PHF2: variants seen among roughly 807,000 people sequenced by gnomAD.
PHF2 encodes PHD finger protein 2.
A neutral mutation model predicts 120.5 loss-of-function variants in PHF2; 27 were observed. The observed-to-expected ratio is 0.22, with a 90% CI of 0.17 to 0.31. PHF2 has a LOEUF of 0.31. Among genes scored for constraint, PHF2 ranks in the 10% least tolerant of loss-of-function variants. The probability of loss-of-function intolerance (pLI) is 1.00; values close to 1 mark genes in which losing one functional copy is unlikely to be tolerated. For missense variants in PHF2, 1,024 were observed against 1,434.8 expected, an observed-to-expected ratio of 0.71 and a Z score of 4.63; for synonymous variants, 568 against 592.5, an observed-to-expected ratio of 0.96 and a Z score of 0.60.
chr9:93,596,739 T>C (rs1825339197), intron 1 of PHF2, among the ~76,000 whole-genome samples: 1 of 101,782 alleles, frequency 9.8e-6, no homozygotes, highest in African/African-American at 3.9e-5. Flanking sequence ...TGCCTCAGTG[T>C]TTCTGCCGTT....
chr9:93,675,508 TG>T (rs1826892869), intron 19 of PHF2, among the ~76,000 whole-genome samples, 171 bp from the exon 20 acceptor site: 1 of 152,176 alleles, frequency 6.6e-6, no homozygotes, highest in African/African-American at 2.4e-5. Flanking sequence ...CCCCCTTGGG[TG>T]GGGCAGCTGA....
chr9:93,582,445 C>G (rs147942101), intron 1 of PHF2, among the ~76,000 whole-genome samples: 1 of 152,138 alleles, frequency 6.6e-6, no homozygotes, highest in African/African-American at 2.4e-5. Context: ...CTGAATATAC[C>G]CAGTGTCTCT....
chr9:93,648,223 C>T (rs1433873437), intron 4 of PHF2, among the ~76,000 whole-genome samples: 1 of 152,236 alleles, frequency 6.6e-6, no homozygotes, highest in African/African-American at 2.4e-5. Context: ...GTCCCACATC[C>T]AGGATTTGGT....
chr9:93,677,532 G>A lies in PHF2; in HGVS notation c.3203-56G>A. The A allele has an allele frequency of 6.7e-6, 9 of 1,351,154 alleles. No homozygotes were observed. The highest frequency in any genetic ancestry group is 1.2e-5 in the South Asian group (1 of 83,726). 83.7% of individuals were successfully genotyped at this position (1,351,154 alleles called of 1,614,324 possible). On this transcript the variant is annotated intron_variant, in intron 21 of 21. Transcript: ENST00000359246. The surrounding 1 kb of genome is among the most constrained non-coding windows in gnomAD (Gnocchi z 4.4). ...ACCCTCCCCCCCACCGGCATGCCAC[G>A]CCCCTTGCCATCTAGCTTACCTTCC...
intron 1 of PHF2, among the ~76,000 whole-genome samples, chr9:93,583,443 G>A (rs183052420): frequency 2.0e-5 from 3 of 152,278 alleles, no homozygotes; most frequent in Admixed American, 6.5e-5. Context: ...TGGAATTGCC[G>A]GATCATATGG....
chr9:93,663,505 C>T lies in PHF2; in HGVS notation c.1819-12C>T. 1 of 1,572,450 alleles carries T rather than the reference C, an allele frequency of 6.4e-7. No homozygotes were observed. On this transcript the variant is annotated splice_polypyrimidine_tract_variant and intron_variant, in intron 13 of 21. Coordinates refer to ENST00000359246, the MANE Select transcript of PHF2 (RefSeq NM_005392.4). Reference sequence around the variant, plus strand: ...TGTGGGGCTCAGGGACGGCCCTGGTCTTGCTTTTCAGAACAGCAAACCTGA... The same window carrying T: ...TGTGGGGCTCAGGGACGGCCCTGGTTTTGCTTTTCAGAACAGCAAACCTGA...
At chr9:93,647,630 C>CTAAAG (rs1056955977) in intron 4 of PHF2, among the ~76,000 whole-genome samples, 5 of 152,184 alleles carry the variant, frequency 3.3e-5, no homozygotes, top group African/African-American at 1.2e-4. Flanking sequence ...TAGCTCACGC[C>CTAAAG]TGTAATCCCA....
intron 1 of PHF2, among the ~76,000 whole-genome samples, chr9:93,578,461 G>T (rs1293005113): frequency 1.3e-5 from 2 of 152,224 alleles, no homozygotes; most frequent in Admixed American, 6.5e-5. Context: ...GCCCTGAAAA[G>T]CCCTGAAAGT....
Position 93,616,711 on chromosome 9 carries a change from A to G in PHF2, c.99-13259A>G, listed in dbSNP as rs532110684. Among the ~76,000 whole-genome samples, 6 of 151,406 alleles carry G rather than the reference A, an allele frequency of 4.0e-5. No homozygotes were observed. In the East Asian group the frequency reaches 1.2e-3, roughly 29 times the overall value. ...GTTGCCCATGCTGGAGCTGGAGTGC[A>G]ATGGCTCAATCTCGGCTCACCGCAA... On this transcript the variant is annotated intron_variant, in intron 1 of 21. Transcript: ENST00000359246.
At chr9:93,612,247 A>G (rs1206564455) in intron 1 of PHF2, among the ~76,000 whole-genome samples, 1 of 152,240 alleles carries the variant, frequency 6.6e-6, no homozygotes, top group African/African-American at 2.4e-5. Context: ...TGATCCACGT[A>G]TCTATGGGGA....
chr9:93,582,885 G>A lies in PHF2; in HGVS notation c.98+6014G>A, dbSNP rs145393684. ...TAGAAATGTGCACATGGGGAAACGA[G>A]CCTTTTACCTTTTTTAAAAATTGAG... is the stretch of plus-strand genomic sequence containing the variant. On this transcript the variant is annotated intron_variant, in intron 1 of 21. Transcript: ENST00000359246. Among the ~76,000 whole-genome samples, 1,114 of 152,294 alleles carry A rather than the reference G, an allele frequency of 7.3e-3. 40 individuals carry two copies. Among genetic ancestry groups the A allele is most frequent in the Admixed American group, 0.067 (1,028 of 15,290 alleles).
chr9:93,625,775 G>A (rs112310903), intron 1 of PHF2, among the ~76,000 whole-genome samples: 3,144 of 151,904 alleles, frequency 0.021, 38 homozygotes, highest in Middle Eastern at 0.044. Flanking sequence ...ACAATACACA[G>A]TACCTATTCT....
At chr9:93,646,426 G>T (rs1220323132) in intron 4 of PHF2, among the ~76,000 whole-genome samples, 1 of 152,200 alleles carries the variant, frequency 6.6e-6, no homozygotes, top group Non-Finnish European at 1.5e-5. Context: ...AAGCATGGAG[G>T]CCCACATGGT....
chr9:93,608,493 A>G (rs2265574), intron 1 of PHF2, among the ~76,000 whole-genome samples: 47,234 of 151,238 alleles, frequency 0.31, 8,137 homozygotes, highest in South Asian at 0.61. Context: ...TGCTTCTATC[A>G]TCTGAAAGAG....
intron 9 of PHF2, among the ~76,000 whole-genome samples, chr9:93,657,190 G>A (rs1358816716): frequency 6.6e-6 from 1 of 152,208 alleles, no homozygotes; most frequent in Non-Finnish European, 1.5e-5. Context: ...GAGCCTGCAG[G>A]AGAGTTTGCA....
chr9:93,658,489 C>T (rs1392852371), intron 10 of PHF2, among the ~76,000 whole-genome samples: 1 of 152,166 alleles, frequency 6.6e-6, no homozygotes, highest in African/African-American at 2.4e-5. Context: ...ATGCAGAGCC[C>T]CCTCCATCAG....
intron 1 of PHF2, among the ~76,000 whole-genome samples, chr9:93,591,208 C>T (rs191399805): frequency 0.01 from 1,592 of 152,340 alleles, 19 homozygotes; most frequent in Non-Finnish European, 0.017. Context: ...CTGACCGTGT[C>T]TGTCATAACC....
At chr9:93,651,379 T>G (rs1826367481) in intron 5 of PHF2, among the ~76,000 whole-genome samples, 1 of 152,220 alleles carries the variant, frequency 6.6e-6, no homozygotes, top group Non-Finnish European at 1.5e-5. Flanking sequence ...CTTTGCCTCC[T>G]GTTTCCACTG....
At chr9:93,635,365 G>A (rs1038756814) in intron 2 of PHF2, among the ~76,000 whole-genome samples, 8 of 151,576 alleles carry the variant, frequency 5.3e-5, no homozygotes, top group East Asian at 3.9e-4. Context: ...CATCCCCTGC[G>A]CCCCCCACCT....
Sources: gnomAD v4.1 joint callset for allele counts (sites outside exome capture counted in the v4.1 genomes callset) on GRCh38, gnomAD v4.1.1 for gene constraint, Gnocchi (gnomAD v3.1) non-coding constraint, MANE v1.5 for transcripts, NCBI Gene and HGNC (gene_info 2026-07-23, HGNC 2026-07-21) for gene names.